TNNI3K: variants seen among roughly 807,000 people sequenced by gnomAD.
The protein encoded by TNNI3K is TNNI3 interacting kinase.
In TNNI3K, 140 loss-of-function variants were observed where a neutral mutation model predicts 114.5. The ratio of observed to expected loss-of-function variants is 1.22; its 90% CI spans 1.07 to 1.41. The LOEUF is 1.41. Ranked by LOEUF, TNNI3K falls within the 40% of genes most tolerant of loss-of-function variation. The probability of loss-of-function intolerance (pLI) is 0.00; values close to 1 mark genes in which losing one functional copy is unlikely to be tolerated. For missense variants in TNNI3K, 1,125 were observed against 1,007.6 expected (o/e 1.12, Z -1.58); for synonymous variants, 347 against 347.5 (o/e 1.00, Z 0.02).
At chr1:74,491,156 G>C (rs963953654) in intron 22 of TNNI3K, among the ~76,000 whole-genome samples, 4 of 152,172 alleles carry the variant, frequency 2.6e-5, no homozygotes, top group African/African-American at 9.7e-5. Context: ...CATGAAAACC[G>C]GTTGAAGGAG....
intron 4 of TNNI3K, among the ~76,000 whole-genome samples, chr1:74,253,136 G>A (rs1251097403): frequency 6.6e-6 from 1 of 152,096 alleles, no homozygotes; most frequent in Non-Finnish European, 1.5e-5. Context: ...CACAAACCCT[G>A]AGCTAGACAC....
intron 17 of TNNI3K, among the ~76,000 whole-genome samples, chr1:74,410,656 G>A (rs754669371): frequency 1.2e-4 from 18 of 152,166 alleles, no homozygotes; most frequent in African/African-American, 4.3e-4. Flanking sequence ...TAGAAACTTG[G>A]CATCTAAGAA....
intron 21 of TNNI3K, chr1:74,475,629 G>A (rs374593504): frequency 2.0e-4 from 142 of 717,064 alleles, no homozygotes; most frequent in South Asian, 1.3e-3. Flanking sequence ...CCTTTATCTC[G>A]TTTTCCTGAG....
At chr1:74,365,208 C>A (rs959184737) in intron 11 of TNNI3K, among the ~76,000 whole-genome samples, 4 of 152,092 alleles carry the variant, frequency 2.6e-5, no homozygotes, top group Non-Finnish European at 4.4e-5. Flanking sequence ...ATTATCGTTT[C>A]TAACCTGTAG....
intron 21 of TNNI3K, chr1:74,475,756 T>C (rs1269099078): frequency 1.5e-6 from 1 of 646,060 alleles, no homozygotes; most frequent in Non-Finnish European, 2.8e-6. Context: ...TGCTTTGCCT[T>C]GGTGGAGTTT....
In TNNI3K at chr1:74,537,860, G is replaced by A. The variant is rs1646678794; in HGVS notation, c.2352-2374G>A. The stretch of plus-strand genomic sequence containing the variant: ...ACTTTGAGTTGGACCTTTATTGAGT[G>A]CTTACTAAATTTCAGCAATGTTCAA... On this transcript the variant is annotated intron_variant, in intron 23 of 24. Coordinates refer to ENST00000326637, the MANE Select transcript of TNNI3K (RefSeq NM_015978.3). Among the ~76,000 whole-genome samples, 3 of 152,124 alleles carry A rather than the reference G, an allele frequency of 2.0e-5. No homozygotes were observed. The South Asian group carries it at 6.2e-4, about 31-fold the overall frequency.
chr1:74,459,247 A>G (rs988266459), intron 20 of TNNI3K, among the ~76,000 whole-genome samples: 5 of 152,230 alleles, frequency 3.3e-5, no homozygotes, highest in African/African-American at 1.2e-4. Flanking sequence ...CCTTTTGAAT[A>G]CCTATTAATA....
chr1:74,313,163 C>T (rs1269778083), intron 5 of TNNI3K, among the ~76,000 whole-genome samples: 1 of 152,192 alleles, frequency 6.6e-6, no homozygotes, highest in Non-Finnish European at 1.5e-5. Context: ...TCCTAAGATG[C>T]AAAATTCAAT....
chr1:74,411,780 G>A (rs1030790161), intron 17 of TNNI3K, among the ~76,000 whole-genome samples: 2 of 152,186 alleles, frequency 1.3e-5, no homozygotes, highest in Admixed American at 6.5e-5. Flanking sequence ...ACATTTAAAT[G>A]TTGGAGGAGT....
At position 74,499,578 on chromosome 1, in the gene TNNI3K, G is replaced by C. The variant is rs566763413; in HGVS notation, c.2351+7312G>C. Among the ~76,000 whole-genome samples the C allele has an allele frequency of 6.6e-5, 10 of 152,246 alleles. 1 individual carries two copies. Among genetic ancestry groups the C allele is most frequent in the African/African-American group, 2.4e-4 (10 of 41,544 alleles). ...AATATTATACTGTATATTGGATTCAGTAATATCTCCAGTTTCAGGCATCCA... is the reference window on the plus strand; with the variant it reads ...AATATTATACTGTATATTGGATTCACTAATATCTCCAGTTTCAGGCATCCA... On this transcript the variant is annotated intron_variant, in intron 23 of 24. Coordinates refer to ENST00000326637, the MANE Select transcript of TNNI3K (RefSeq NM_015978.3).
intron 4 of TNNI3K, among the ~76,000 whole-genome samples, chr1:74,262,952 A>G (rs1417930629): frequency 4.6e-5 from 7 of 152,070 alleles, no homozygotes; most frequent in Admixed American, 3.9e-4. Context: ...GTATATTATT[A>G]CTTAGTTAAA....
chr1:74,247,852 C>T (rs561555279), intron 2 of TNNI3K, among the ~76,000 whole-genome samples: 47 of 152,306 alleles, frequency 3.1e-4, no homozygotes, highest in East Asian at 1.9e-3. Context: ...GTAGATCCCA[C>T]GCAGGGGCCG....
chr1:74,270,280 C>T (rs1335897684), intron 4 of TNNI3K, among the ~76,000 whole-genome samples: 3 of 151,532 alleles, frequency 2.0e-5, no homozygotes, highest in African/African-American at 4.8e-5. Flanking sequence ...AGAAATGAGA[C>T]TGCAACTGTC....
intron 22 of TNNI3K, among the ~76,000 whole-genome samples, chr1:74,491,526 C>CTGTA (rs1669075441): frequency 6.6e-6 from 1 of 152,130 alleles, no homozygotes; most frequent in South Asian, 2.1e-4. Flanking sequence ...AGGTGTGAGC[C>CTGTA]ACCACACCCA....
chr1:74,347,857 T>G (rs1342476392), intron 9 of TNNI3K, among the ~76,000 whole-genome samples: 35 of 152,202 alleles, frequency 2.3e-4, no homozygotes, highest in Admixed American at 1.8e-3. Context: ...TGTTTTTTTC[T>G]TGTAAATTTG....
chr1:74,475,544 CAG>C (rs1370418185), intron 21 of TNNI3K: 11 of 717,448 alleles, frequency 1.5e-5, no homozygotes, highest in Non-Finnish European at 2.9e-5. Context: ...GTTGCAGACT[CAG>C]AGGCCGATGT....
intron 23 of TNNI3K, among the ~76,000 whole-genome samples, chr1:74,500,650 A>C (rs1267749878): frequency 1.5e-5 from 2 of 136,650 alleles, no homozygotes; most frequent in African/African-American, 5.7e-5. Context: ...AAAAAAAAAA[A>C]AAAAAAAAAT....
intron 5 of TNNI3K, among the ~76,000 whole-genome samples, chr1:74,318,927 G>A (rs1659461109): frequency 6.6e-6 from 1 of 152,124 alleles, no homozygotes; most frequent in African/African-American, 2.4e-5. Context: ...TCCAACCTGG[G>A]TGTTTTAAAT....
At chr1:74,421,021 G>A (rs1830924) in intron 17 of TNNI3K, among the ~76,000 whole-genome samples, 11,526 of 152,118 alleles carry the variant, frequency 0.076, 549 homozygotes, top group African/African-American at 0.12. Context: ...CATGCTTAGC[G>A]TTCCAATAAT....
Sources: allele counts gnomAD v4.1 joint callset (sites outside exome capture counted in the v4.1 genomes callset), GRCh38; gene constraint gnomAD v4.1.1; transcripts MANE v1.5; gene names NCBI Gene and HGNC (gene_info 2026-07-23, HGNC 2026-07-21).